The following SLC8A1 variants were observed in gnomAD, a reference collection of about 807,000 sequenced individuals.
SLC8A1 encodes solute carrier family 8 member A1, also known as sodium/calcium exchanger 1.
A neutral mutation model predicts 68.3 loss-of-function variants in SLC8A1; 18 were observed. The ratio of observed to expected loss-of-function variants is 0.26; its 90% CI spans 0.18 to 0.39. The LOEUF is 0.39. Among genes scored for constraint, SLC8A1 ranks in the 10% least tolerant of loss-of-function variants. The pLI is 1.00. For synonymous variants in SLC8A1, 475 were observed against 415.5 expected (o/e 1.14, Z -1.74); for missense variants, 985 against 1,156.7 (o/e 0.85, Z 2.15).
intron 2 of SLC8A1, among the ~76,000 whole-genome samples, chr2:40,193,799 G>A (rs1050367370): frequency 6.6e-6 from 1 of 152,096 alleles, no homozygotes; most frequent in African/African-American, 2.4e-5. Flanking sequence ...ATTATCTCCT[G>A]GACTGGCAGA....
At chr2:40,200,218 A>T (rs1280755835) in intron 2 of SLC8A1, among the ~76,000 whole-genome samples, 1 of 25,446 alleles carries the variant, frequency 3.9e-5, no homozygotes, top group Non-Finnish European at 8.4e-5. Flanking sequence ...ATATATATAT[A>T]TTTTTTTATA....
At chr2:40,251,922 A>T (rs1369009543) in intron 2 of SLC8A1, 1 of 151,618 alleles carries the variant, frequency 6.6e-6, no homozygotes, top group Non-Finnish European at 1.5e-5. Context: ...AGATACAAGT[A>T]GTCTCAGTTC....
At chr2:40,218,708 T>C (rs2057863227) in intron 2 of SLC8A1, among the ~76,000 whole-genome samples, 1 of 145,212 alleles carries the variant, frequency 6.9e-6, no homozygotes, top group African/African-American at 2.5e-5. Context: ...TTATGAAAGA[T>C]GAAAACATTC....
intron 1 of SLC8A1, among the ~76,000 whole-genome samples, chr2:40,493,228 A>G (rs1705440929): frequency 6.6e-6 from 1 of 152,020 alleles, no homozygotes; most frequent in Non-Finnish European, 1.5e-5. Context: ...CATCATTCTC[A>G]GTAAACTATT....
chr2:40,312,713 A>G (rs1002055521), intron 2 of SLC8A1, among the ~76,000 whole-genome samples: 1 of 152,100 alleles, frequency 6.6e-6, no homozygotes, highest in Non-Finnish European at 1.5e-5. Context: ...ACATAAATAG[A>G]AGCAGAAGTT....
At chr2:40,139,638 G>A (rs1462734490) in exon 7 of SLC8A1, 1 of 1,614,102 alleles carries the variant, frequency 6.2e-7, no homozygotes, top group East Asian at 2.2e-5. Flanking sequence ...CAGGAGGGCA[G>A]CTTCTCTTCC....
intron 1 of SLC8A1, among the ~76,000 whole-genome samples, chr2:40,500,652 C>T (rs1365073643): frequency 2.0e-5 from 3 of 151,914 alleles, no homozygotes; most frequent in Non-Finnish European, 2.9e-5. Context: ...ACATATGTCT[C>T]CATTTTCTTG....
intron 2 of SLC8A1, among the ~76,000 whole-genome samples, chr2:40,372,812 G>A (rs1429944463): frequency 2.6e-5 from 4 of 152,100 alleles, no homozygotes; most frequent in African/African-American, 4.8e-5. Flanking sequence ...TTTGACTCAC[G>A]TCTCCAGTGT....
intron 1 of SLC8A1, among the ~76,000 whole-genome samples, chr2:40,449,181 CAA>C (rs5830628): frequency 6.8e-6 from 1 of 147,728 alleles, no homozygotes; most frequent in South Asian, 2.1e-4. Context: ...AAAACAACAA[CAA>C]AAAAAAACAC....
chr2:40,326,916 G>A (rs2075889541), intron 2 of SLC8A1, among the ~76,000 whole-genome samples: 1 of 152,090 alleles, frequency 6.6e-6, no homozygotes, highest in South Asian at 2.1e-4. Flanking sequence ...CCAAGGTCAG[G>A]GCTCATTAGT....
chr2:40,277,792 G>GTA (rs750119043), intron 2 of SLC8A1, among the ~76,000 whole-genome samples: 52 of 92,158 alleles, frequency 5.6e-4, no homozygotes, highest in African/African-American at 2.2e-3. Flanking sequence ...ATATATATGT[G>GTA]TGTATATATA....
chr2:40,129,925 A>G (rs747160575), intron 7 of SLC8A1, among the ~76,000 whole-genome samples: 6 of 152,034 alleles, frequency 3.9e-5, no homozygotes, highest in Non-Finnish European at 7.4e-5. Flanking sequence ...CACTAATCCA[A>G]AGGCTCTGCA....
intron 1 of SLC8A1, among the ~76,000 whole-genome samples, chr2:40,448,685 C>T (rs536920216): frequency 6.6e-5 from 10 of 151,974 alleles, no homozygotes; most frequent in Non-Finnish European, 1.3e-4. Flanking sequence ...CAAGAGGGAG[C>T]AGTAGAATTT....
At chr2:40,117,321 G>A (rs919210121) in intron 7 of SLC8A1, among the ~76,000 whole-genome samples, 27 of 148,448 alleles carry the variant, frequency 1.8e-4, no homozygotes, top group Non-Finnish European at 2.4e-4. Context: ...GAGATGGGCG[G>A]ATCACTTGAG....
chr2:40,249,821 TTAC>T (rs1203720028), intron 2 of SLC8A1, among the ~76,000 whole-genome samples: 5 of 152,204 alleles, frequency 3.3e-5, no homozygotes, highest in African/African-American at 1.2e-4. Flanking sequence ...TGCCTAGATC[TTAC>T]TTAACACAGG....
At chr2:40,301,297 G>A (rs1053694790) in intron 2 of SLC8A1, among the ~76,000 whole-genome samples, 1 of 152,184 alleles carries the variant, frequency 6.6e-6, no homozygotes, top group African/African-American at 2.4e-5. Context: ...AACTGAAGTT[G>A]AAGTTGTGAT....
At chr2:40,447,895 C>T (rs1701743383) in intron 1 of SLC8A1, among the ~76,000 whole-genome samples, 1 of 152,172 alleles carries the variant, frequency 6.6e-6, no homozygotes, top group South Asian at 2.1e-4. Flanking sequence ...CACATGTTCC[C>T]CTCCTTCTAC....
intron 1 of SLC8A1, among the ~76,000 whole-genome samples, chr2:40,491,393 A>G (rs922008255): frequency 6.6e-6 from 1 of 152,070 alleles, no homozygotes; most frequent in African/African-American, 2.4e-5. Flanking sequence ...GGCTGAGACA[A>G]TGGGGTTTTC....
chr2:40,307,020 G>C (rs1198087372), intron 2 of SLC8A1, among the ~76,000 whole-genome samples: 1 of 152,050 alleles, frequency 6.6e-6, no homozygotes, highest in Admixed American at 6.6e-5. Flanking sequence ...ATATTCACAA[G>C]AAAGGTCTTC....
Sources: allele counts gnomAD v4.1 joint callset (sites outside exome capture counted in the v4.1 genomes callset), GRCh38; gene constraint gnomAD v4.1.1; transcripts MANE v1.5; gene names NCBI Gene and HGNC (gene_info 2026-07-23, HGNC 2026-07-21).